MARCHF1: variants seen among roughly 807,000 people sequenced by gnomAD.
MARCHF1 encodes membrane associated ring-CH-type finger 1, also known as E3 ubiquitin-protein ligase MARCHF1.
In MARCHF1, 40 loss-of-function variants were observed where a neutral mutation model predicts 54.2. That is an observed-to-expected ratio of 0.74 (90% CI 0.57 to 0.96). MARCHF1 has a LOEUF of 0.96. Ranked by LOEUF, MARCHF1 falls within the 40% of genes least tolerant of loss-of-function variation. The pLI, the probability that MARCHF1 is intolerant of heterozygous loss-of-function variation, is 0.00. For missense variants in MARCHF1, 586 were observed against 656.5 expected, an observed-to-expected ratio of 0.89 and a Z score of 1.17; for synonymous variants, 236 against 236.3, an observed-to-expected ratio of 1.00 and a Z score of 0.01.
At chr4:164,150,762 T>C (rs773813024) in intron 1 of MARCHF1, among the ~76,000 whole-genome samples, 10 of 152,230 alleles carry the variant, frequency 6.6e-5, no homozygotes, top group Non-Finnish European at 1.0e-4. Flanking sequence ...AAAGAAAATA[T>C]ATCTGTAGAC....
At chr4:164,199,677 CACACAGAGAGAGAGAG>C (rs1431257901) in intron 1 of MARCHF1, among the ~76,000 whole-genome samples, 12 of 63,996 alleles carry the variant, frequency 1.9e-4, no homozygotes, top group Admixed American at 3.5e-4. Context: ...CACACACACA[CACACAGAGAGAGAGAG>C]AGAGAGAGAG....
At chr4:163,768,077 C>G (rs910698883) in intron 4 of MARCHF1, among the ~76,000 whole-genome samples, 3 of 152,084 alleles carry the variant, frequency 2.0e-5, no homozygotes, top group African/African-American at 7.2e-5. Flanking sequence ...GACCTGCCGT[C>G]TTTGTTAAAA....
chr4:164,307,154 C>T (rs1734717070), intron 1 of MARCHF1, among the ~76,000 whole-genome samples: 1 of 152,084 alleles, frequency 6.6e-6, no homozygotes, highest in African/African-American at 2.4e-5. Context: ...CATTTCTTGC[C>T]CAACTAGATA....
intron 2 of MARCHF1, among the ~76,000 whole-genome samples, chr4:164,005,792 T>A (rs1753273928): frequency 6.6e-6 from 1 of 152,260 alleles, no homozygotes; most frequent in Middle Eastern, 3.4e-3. Context: ...AGCACCACAT[T>A]GTAGGAGTTC....
intron 1 of MARCHF1, among the ~76,000 whole-genome samples, chr4:164,327,143 A>G (rs1010674450): frequency 6.6e-6 from 1 of 152,194 alleles, no homozygotes; most frequent in Admixed American, 6.5e-5. Context: ...TAAAAATAGT[A>G]ATCAGAAATA....
intron 1 of MARCHF1, among the ~76,000 whole-genome samples, chr4:164,168,207 TA>T (rs1455218267): frequency 6.7e-6 from 1 of 149,254 alleles, no homozygotes; most frequent in East Asian, 1.9e-4. Context: ...AAATACAAGT[TA>T]AAACCACTAT....
At chr4:164,147,922 A>G (rs932026084) in intron 1 of MARCHF1, among the ~76,000 whole-genome samples, 3 of 152,082 alleles carry the variant, frequency 2.0e-5, no homozygotes, top group African/African-American at 7.2e-5. Flanking sequence ...CATTAAAAGT[A>G]TTTCTGGATT....
intron 1 of MARCHF1, among the ~76,000 whole-genome samples, chr4:164,218,285 G>A (rs1731989349): frequency 6.6e-6 from 1 of 152,100 alleles, no homozygotes; most frequent in South Asian, 2.1e-4. Context: ...TGTAAGAATT[G>A]TAGCGTTGAG....
At chr4:163,687,925 A>G (rs1744319478) in intron 5 of MARCHF1, among the ~76,000 whole-genome samples, 1 of 152,244 alleles carries the variant, frequency 6.6e-6, no homozygotes, top group African/African-American at 2.4e-5. Flanking sequence ...CTCTGCAGTA[A>G]TTAGTGCAAT....
rs568945833 is a variant in MARCHF1 at position 163,612,464 on chromosome 4, G to A, written c.817C>T (p.Pro273Ser). 1.6e-4 allele frequency: 244 copies of A among 1,535,142 alleles called. 2 individuals are homozygous for A. Among genetic ancestry groups the A allele is most frequent in the South Asian group, 1.2e-3 (99 of 83,976 alleles). Residue 273 changes from proline (P) to serine (S), a missense_variant, in exon 7 of 10, where the codon CCT (proline) becomes TCT (serine). Pro to Ser is a moderately conservative substitution (Grantham distance 74). Coordinates refer to ENST00000514618, the MANE Select transcript of MARCHF1 (RefSeq NM_001394959.1). ...TTCCTAAGACTTTGCAAGAGCTGAG[G>A]ATCTCTGTGGTGATATCTGCCTTTG... is the stretch of plus-strand genomic sequence containing the variant. ...KSKGRYHHRD[P>S]QLLQSLRKNE...
intron 3 of MARCHF1, among the ~76,000 whole-genome samples, chr4:163,974,252 G>A (rs1685804136): frequency 6.6e-6 from 1 of 152,142 alleles, no homozygotes; most frequent in Admixed American, 6.5e-5. Flanking sequence ...TGACTTCCAA[G>A]ACTTGGTCAT....
chr4:164,221,182 C>T, intron 1 of MARCHF1, among the ~76,000 whole-genome samples: 1 of 152,056 alleles, frequency 6.6e-6, no homozygotes, highest in Non-Finnish European at 1.5e-5. Context: ...AAGGGCATCA[C>T]TTCTACAGTG....
intron 1 of MARCHF1, among the ~76,000 whole-genome samples, chr4:164,322,735 C>T (rs952254768): frequency 1.3e-5 from 2 of 151,706 alleles, no homozygotes; most frequent in African/African-American, 4.8e-5. Flanking sequence ...ATAAAAAAGA[C>T]AACACAAAAG....
chr4:164,116,508 G>A (rs112070937), intron 1 of MARCHF1, among the ~76,000 whole-genome samples: 1,680 of 151,136 alleles, frequency 0.011, 32 homozygotes, highest in East Asian at 0.08. Flanking sequence ...TAGCTCAAGG[G>A]CCATACAAAA....
intron 1 of MARCHF1, among the ~76,000 whole-genome samples, chr4:164,341,746 A>G (rs945029050): frequency 2.0e-5 from 3 of 152,214 alleles, no homozygotes; most frequent in African/African-American, 7.2e-5. Flanking sequence ...TTTAAGGCCC[A>G]CATCCTAATA....
At chr4:163,829,709 T>C (rs1381511887) in intron 4 of MARCHF1, among the ~76,000 whole-genome samples, 1 of 152,234 alleles carries the variant, frequency 6.6e-6, no homozygotes, top group Non-Finnish European at 1.5e-5. Context: ...TTGTAAACAC[T>C]GTTTCTGCCA....
chr4:164,197,184 A>T (rs1420380516), intron 1 of MARCHF1: 1 of 1,608,530 alleles, frequency 6.2e-7, no homozygotes, highest in Non-Finnish European at 8.5e-7. Flanking sequence ...GAGCATCTTC[A>T]TCATACTCCT....
intron 1 of MARCHF1, among the ~76,000 whole-genome samples, chr4:164,178,842 T>C (rs149793777): frequency 1.3e-5 from 2 of 152,202 alleles, no homozygotes; most frequent in Non-Finnish European, 2.9e-5. Context: ...AAGATAATCA[T>C]ACAAAGGCCT....
intron 4 of MARCHF1, among the ~76,000 whole-genome samples, chr4:163,812,453 T>C (rs1748418648): frequency 6.6e-6 from 1 of 152,146 alleles, no homozygotes; most frequent in Non-Finnish European, 1.5e-5. Flanking sequence ...GTCCACAGTG[T>C]CTGATTCAAA....
Sources: gnomAD v4.1 joint callset for allele counts (sites outside exome capture counted in the v4.1 genomes callset) on GRCh38, gnomAD v4.1.1 for gene constraint, MANE v1.5 for transcripts, NCBI Gene and HGNC (gene_info 2026-07-23, HGNC 2026-07-21) for gene names.